The following CNTNAP2 variants were observed in gnomAD, a reference collection of about 807,000 sequenced individuals.
CNTNAP2 encodes contactin-associated protein-like 2.
CNTNAP2 carries 98 observed loss-of-function variants against 155.2 expected under a neutral mutation model. That is an observed-to-expected ratio of 0.63 (90% CI 0.54 to 0.75). The LOEUF (loss-of-function observed/expected upper bound fraction) is 0.75. Ranked by LOEUF, CNTNAP2 falls within the 30% of genes least tolerant of loss-of-function variation. The pLI is 0.00. For synonymous variants in CNTNAP2, 651 were observed against 631.2 expected, an observed-to-expected ratio of 1.03 and a Z score of -0.47; for missense variants, 1,727 against 1,688.1, an observed-to-expected ratio of 1.02 and a Z score of -0.40.
chr7:148,353,851 A>C (rs1255516246), intron 21 of CNTNAP2, among the ~76,000 whole-genome samples: 1 of 152,240 alleles, frequency 6.6e-6, no homozygotes, highest in Non-Finnish European at 1.5e-5. Flanking sequence ...TGATTCAAAA[A>C]GTCAAAAGTA....
At chr7:146,396,266 A>G (rs1336018017) in intron 1 of CNTNAP2, among the ~76,000 whole-genome samples, 1 of 152,136 alleles carries the variant, frequency 6.6e-6, no homozygotes, top group Non-Finnish European at 1.5e-5. Context: ...AATTTTACTC[A>G]CAACATTTCA....
chr7:147,466,546 G>C (rs1798123055), intron 10 of CNTNAP2, among the ~76,000 whole-genome samples: 1 of 152,172 alleles, frequency 6.6e-6, no homozygotes, highest in Non-Finnish European at 1.5e-5. Flanking sequence ...AAAGTACAGA[G>C]AAAATCTTTT....
intron 1 of CNTNAP2, among the ~76,000 whole-genome samples, chr7:146,526,829 C>T (rs1463418824): frequency 6.6e-6 from 1 of 152,256 alleles, no homozygotes; most frequent in South Asian, 2.1e-4. Flanking sequence ...TATTTTAAGA[C>T]TCATTACATA....
At chr7:146,693,781 C>A (rs191630828) in intron 1 of CNTNAP2, among the ~76,000 whole-genome samples, 5 of 152,108 alleles carry the variant, frequency 3.3e-5, no homozygotes, top group Admixed American at 3.3e-4. Context: ...AGGTTTGTTG[C>A]GTATGTAAAC....
chr7:147,964,766 A>G (rs1801177031), intron 14 of CNTNAP2, among the ~76,000 whole-genome samples: 1 of 152,130 alleles, frequency 6.6e-6, no homozygotes, highest in Non-Finnish European at 1.5e-5. Flanking sequence ...TGTAAGTTGG[A>G]CTGAATCATA....
In CNTNAP2 at chr7:147,952,216, G is replaced by A. The variant is rs189493067; in HGVS notation, c.2256-25646G>A. Among the ~76,000 whole-genome samples the A allele has an allele frequency of 5.7e-3, 645 of 113,576 alleles. 49 individuals are homozygous for A. Among genetic ancestry groups the A allele is most frequent in the African/African-American group, 0.02 (610 of 30,152 alleles). 74.5% of individuals were successfully genotyped at this position (113,576 alleles called of 152,430 possible). A position where few individuals can be genotyped will look rare whatever the true frequency, so the allele number is the denominator to read the frequency against. On this transcript the variant is annotated intron_variant, in intron 14 of 23. Transcript: ENST00000361727. ...CCAGCACTTTGGGAGGCTGAGGCGG[G>A]TGGATCACCTGAGGTTGGGAGTTTG...
At chr7:148,116,886 G>A (rs1408153758) in intron 15 of CNTNAP2, among the ~76,000 whole-genome samples, 5 of 152,090 alleles carry the variant, frequency 3.3e-5, no homozygotes, top group South Asian at 2.1e-4. Context: ...AGCAAATACC[G>A]TGTTTTTTAA....
intron 8 of CNTNAP2, among the ~76,000 whole-genome samples, chr7:147,225,999 GA>G (rs1803534629): frequency 1.3e-5 from 2 of 151,936 alleles, no homozygotes. Context: ...AAGAAAGAAA[GA>G]AAGAATGAAA....
chr7:147,953,469 G>T (rs1800971018), intron 14 of CNTNAP2, among the ~76,000 whole-genome samples: 2 of 152,082 alleles, frequency 1.3e-5, no homozygotes, highest in Non-Finnish European at 2.9e-5. Context: ...GACCACCATG[G>T]CACACGTTCA....
intron 8 of CNTNAP2, among the ~76,000 whole-genome samples, chr7:147,148,090 T>C (rs1044474903): frequency 2.6e-5 from 4 of 152,282 alleles, no homozygotes; most frequent in African/African-American, 9.6e-5. Context: ...TGCAACATTA[T>C]ATGGTAAAAA....
chr7:147,955,357 C>G (rs2373275), intron 14 of CNTNAP2, among the ~76,000 whole-genome samples: 65,941 of 151,994 alleles, frequency 0.43, 16,434 homozygotes, highest in Middle Eastern at 0.69. Flanking sequence ...TAAAAACCCT[C>G]TACTTATTAG....
intron 1 of CNTNAP2, among the ~76,000 whole-genome samples, chr7:146,708,691 G>A (rs914180071): frequency 1.5e-5 from 2 of 137,550 alleles, no homozygotes; most frequent in African/African-American, 5.8e-5. Flanking sequence ...CTGCCTCCTG[G>A]GTTCAAGTAT....
chr7:146,243,942 G>A (rs1011123326), intron 1 of CNTNAP2, among the ~76,000 whole-genome samples: 21 of 152,194 alleles, frequency 1.4e-4, no homozygotes, highest in African/African-American at 2.2e-4. Context: ...TGCTTCGAGC[G>A]GGATTAGGGG....
chr7:147,236,990 C>A (rs779765611), intron 8 of CNTNAP2, among the ~76,000 whole-genome samples: 2 of 144,530 alleles, frequency 1.4e-5, no homozygotes, highest in African/African-American at 2.5e-5. Flanking sequence ...ATGACTTAAT[C>A]TTTTCTTGTC....
intron 9 of CNTNAP2, among the ~76,000 whole-genome samples, chr7:147,357,491 G>T (rs1454618330): frequency 6.6e-6 from 1 of 152,052 alleles, no homozygotes; most frequent in Non-Finnish European, 1.5e-5. Flanking sequence ...CCTACATGCA[G>T]CAGCAGTCGG....
intron 12 of CNTNAP2, among the ~76,000 whole-genome samples, chr7:147,603,018 G>C (rs1266524022): frequency 1.3e-5 from 2 of 152,080 alleles, no homozygotes; most frequent in Non-Finnish European, 2.9e-5. Context: ...GGATGGCAGG[G>C]TCAAATGGTA....
rs143186726 is a variant in CNTNAP2 at position 146,757,066 on chromosome 7, C to T, written c.98-17205C>T. On this transcript the variant is annotated intron_variant, in intron 1 of 23. Coordinates refer to ENST00000361727, the MANE Select transcript of CNTNAP2 (RefSeq NM_014141.6). Reference sequence around the variant, plus strand: ...TAAAAGTTTCTTAATATGAACATTTCGAGTCAGTGATTTAGACAGCTTTGA... The same window carrying T: ...TAAAAGTTTCTTAATATGAACATTTTGAGTCAGTGATTTAGACAGCTTTGA... Among the ~76,000 whole-genome samples, 887 of 152,034 alleles carry T rather than the reference C, an allele frequency of 5.8e-3. 5 individuals carry two copies. Among genetic ancestry groups the T allele is most frequent in the African/African-American group, 0.02 (825 of 41,508 alleles).
chr7:147,969,998 T>C lies in CNTNAP2; in HGVS notation c.2256-7864T>C, dbSNP rs1801306041. Among the ~76,000 whole-genome samples, 6 of 152,038 alleles carry C rather than the reference T, an allele frequency of 3.9e-5. No homozygotes were observed. The South Asian group carries it at 1.2e-3, about 32-fold the overall frequency. On this transcript the variant is annotated intron_variant, in intron 14 of 23. Transcript: ENST00000361727. ...AGGCTGGAGTGCGGTGGTGTAACCT[T>C]GGCTTGCTGCAGCCTCAACCTCCTG...
intron 18 of CNTNAP2, among the ~76,000 whole-genome samples, chr7:148,196,374 G>C (rs1269982955): frequency 1.3e-5 from 2 of 152,118 alleles, no homozygotes; most frequent in African/African-American, 4.8e-5. Context: ...AGAAGAGTTC[G>C]CTGCAGCAGG....
Sources: gnomAD v4.1 joint callset for allele counts (sites outside exome capture counted in the v4.1 genomes callset) on GRCh38, gnomAD v4.1.1 for gene constraint, MANE v1.5 for transcripts, NCBI Gene and HGNC (gene_info 2026-07-23, HGNC 2026-07-21) for gene names.